The following ATP8A1 variants were observed in gnomAD, a reference collection of about 807,000 sequenced individuals.
The protein encoded by ATP8A1 is phospholipid-transporting ATPase IA.
A neutral mutation model predicts 177.7 loss-of-function variants in ATP8A1; 90 were observed. The ratio of observed to expected loss-of-function variants is 0.51; its 90% confidence interval spans 0.43 to 0.60. The LOEUF (loss-of-function observed/expected upper bound fraction) is 0.60, where lower values mean the gene tolerates loss of function less well. Ranked by LOEUF, ATP8A1 falls within the 20% of genes least tolerant of loss-of-function variation. The probability of loss-of-function intolerance (pLI) is 0.00; values close to 1 mark genes in which losing one functional copy is unlikely to be tolerated. For synonymous variants in ATP8A1, 493 were observed against 485.9 expected, an observed-to-expected ratio of 1.01 and a Z score of -0.19; for missense variants, 1,072 against 1,392.8, an observed-to-expected ratio of 0.77 and a Z score of 3.67.
intron 4 of ATP8A1, among the ~76,000 whole-genome samples, chr4:42,622,335 T>C (rs902217247): frequency 4.6e-5 from 7 of 151,876 alleles, no homozygotes; most frequent in African/African-American, 1.7e-4. Flanking sequence ...TGAGCCAAGA[T>C]TGCGCCACTG....
intron 23 of ATP8A1, among the ~76,000 whole-genome samples, chr4:42,505,915 T>G (rs770705161): frequency 2.0e-5 from 3 of 152,174 alleles, no homozygotes; most frequent in Non-Finnish European, 4.4e-5. Context: ...TTACTAAATT[T>G]GGTGAAAAAA....
chr4:42,432,786 C>G (rs1715456367), intron 33 of ATP8A1, among the ~76,000 whole-genome samples: 1 of 152,158 alleles, frequency 6.6e-6, no homozygotes, highest in Non-Finnish European at 1.5e-5. Flanking sequence ...TCTGAGAAAG[C>G]CTACAGACAA....
chr4:42,508,466 C>T (rs1453439487), intron 22 of ATP8A1, among the ~76,000 whole-genome samples: 2 of 152,210 alleles, frequency 1.3e-5, no homozygotes, highest in Non-Finnish European at 2.9e-5. Context: ...GGTTTCTACT[C>T]TCATCTTCCT....
chr4:42,417,725 C>A (rs1713406902), intron 35 of ATP8A1, among the ~76,000 whole-genome samples: 1 of 152,148 alleles, frequency 6.6e-6, no homozygotes, highest in Non-Finnish European at 1.5e-5. Context: ...AGTTGATAAG[C>A]TATTTAGGTT....
chr4:42,602,815 T>TAAAC (rs902185502), intron 5 of ATP8A1, among the ~76,000 whole-genome samples: 4 of 151,634 alleles, frequency 2.6e-5, no homozygotes, highest in Non-Finnish European at 5.9e-5. Flanking sequence ...AATAAATAAA[T>TAAAC]GAGAGCTCCC....
intron 15 of ATP8A1, among the ~76,000 whole-genome samples, chr4:42,566,566 A>C (rs1731368950): frequency 6.6e-6 from 1 of 152,214 alleles, no homozygotes; most frequent in South Asian, 2.1e-4. Flanking sequence ...AAACTTGTTA[A>C]ATTTTACCTG....
chr4:42,648,307 A>G (rs1740745864), intron 1 of ATP8A1, among the ~76,000 whole-genome samples: 1 of 151,546 alleles, frequency 6.6e-6, no homozygotes, highest in African/African-American at 2.4e-5. Flanking sequence ...TTATGTTGCA[A>G]TAAAGGAATT....
Position 42,507,299 on chromosome 4 carries a change from T to G in ATP8A1, c.1948-145A>C, listed in dbSNP as rs1578071091. ...GTAAATTCCAACTATCCCATTGAGT[T>G]TTCTGAAATATCCTTGACTTTCATG... is the stretch of plus-strand genomic sequence containing the variant. On this transcript the variant is annotated intron_variant, in intron 22 of 36. Transcript: ENST00000381668. 1.3e-5 allele frequency: 11 copies of G among 860,914 alleles called. No homozygotes were observed. In the East Asian group the frequency reaches 2.9e-4, roughly 23 times the overall value. The allele number at this position is 860,914 out of a possible 1,614,324, so 53.3% of individuals were successfully genotyped here.
At chr4:42,621,393 G>A (rs971980061) in intron 4 of ATP8A1, among the ~76,000 whole-genome samples, 7 of 152,144 alleles carry the variant, frequency 4.6e-5, no homozygotes, top group Admixed American at 2.6e-4. Flanking sequence ...AAATTGGAGC[G>A]TTCTAAATTT....
chr4:42,625,915 AT>A (rs56082708), intron 2 of ATP8A1: 31,314 of 302,756 alleles, frequency 0.1, 33 homozygotes, highest in Middle Eastern at 0.16. Flanking sequence ...AATACCACAG[AT>A]TTTTTTTTTT....
intron 25 of ATP8A1, among the ~76,000 whole-genome samples, chr4:42,465,670 A>G (rs1444698163): frequency 6.6e-6 from 1 of 152,234 alleles, no homozygotes; most frequent in Non-Finnish European, 1.5e-5. Context: ...CAGTATCTCT[A>G]TTAAAATCAT....
chr4:42,460,403 T>TC (rs1491436974), intron 27 of ATP8A1, among the ~76,000 whole-genome samples: 2 of 125,606 alleles, frequency 1.6e-5, no homozygotes, highest in Non-Finnish European at 3.4e-5. Context: ...TTTTTTTTTT[T>TC]CTGAGATGGA....
At chr4:42,431,584 C>T (rs1715311425) in intron 33 of ATP8A1, among the ~76,000 whole-genome samples, 1 of 151,998 alleles carries the variant, frequency 6.6e-6, no homozygotes, top group Admixed American at 6.5e-5. Flanking sequence ...AGATTTAGGC[C>T]CTTTCCAAGG....
At chr4:42,621,069 T>C (rs1737417551) in intron 4 of ATP8A1, among the ~76,000 whole-genome samples, 2 of 152,190 alleles carry the variant, frequency 1.3e-5, no homozygotes, top group Admixed American at 1.3e-4. Flanking sequence ...GACAAAAGTG[T>C]AGTAAAGACC....
chr4:42,616,123 G>A (rs954248608), intron 4 of ATP8A1, 45 bp from the exon 5 acceptor site: 1 of 1,535,702 alleles, frequency 6.5e-7, no homozygotes, highest in Non-Finnish European at 8.9e-7. Flanking sequence ...ATGTGAATAA[G>A]ATTACTAAAA....
intron 33 of ATP8A1, among the ~76,000 whole-genome samples, chr4:42,434,850 T>C (rs1577923951): frequency 6.6e-6 from 1 of 152,198 alleles, no homozygotes; most frequent in Non-Finnish European, 1.5e-5. Context: ...TACACTAAGG[T>C]TGGCAGTACA....
intron 25 of ATP8A1, among the ~76,000 whole-genome samples, chr4:42,474,265 T>C (rs1441237035): frequency 1.3e-5 from 2 of 152,022 alleles, no homozygotes; most frequent in South Asian, 2.1e-4. Flanking sequence ...AAGAGTGGCA[T>C]GTGAGGGATA....
intron 14 of ATP8A1, among the ~76,000 whole-genome samples, chr4:42,572,822 A>G (rs1243671311): frequency 6.6e-6 from 1 of 152,240 alleles, no homozygotes; most frequent in Non-Finnish European, 1.5e-5. Context: ...AGTAGGGAAT[A>G]TCTGAAAATA....
intron 1 of ATP8A1, among the ~76,000 whole-genome samples, chr4:42,627,582 G>A (rs1371098874): frequency 6.6e-6 from 1 of 152,180 alleles, no homozygotes; most frequent in Non-Finnish European, 1.5e-5. Flanking sequence ...CTGCAACAAT[G>A]ATCCAACTCA....
Sources: allele counts gnomAD v4.1 joint callset (sites outside exome capture counted in the v4.1 genomes callset), GRCh38; gene constraint gnomAD v4.1.1; transcripts MANE v1.5; gene names NCBI Gene and HGNC (gene_info 2026-07-23, HGNC 2026-07-21).